Variants in CD5 observed in about 807,000 individuals in gnomAD.
CD5 encodes T-cell surface glycoprotein CD5.
Under a neutral mutation model 60.3 loss-of-function variants are expected in CD5, and 36 were observed. The observed-to-expected ratio is 0.60, with a 90% CI of 0.46 to 0.79. The LOEUF is 0.79. Among genes scored for constraint, CD5 ranks in the 30% least tolerant of loss-of-function variants. The probability of loss-of-function intolerance (pLI) is 0.00; values close to 1 mark genes in which losing one functional copy is unlikely to be tolerated. For missense variants in CD5, 540 were observed against 630.6 expected (o/e 0.86, Z 1.54); for synonymous variants, 230 against 257.6 (o/e 0.89, Z 1.03).
chr11:61,124,235 C>A (rs1464413230), intron 8 of CD5, among the ~76,000 whole-genome samples: 2 of 152,190 alleles, frequency 1.3e-5, no homozygotes, highest in Non-Finnish European at 2.9e-5. Context: ...GCAGCCCTCA[C>A]CTCCTCCAGC....
chr11:61,122,851 CCA>C (rs1408166922), intron 6 of CD5, 54 bp from the exon 7 acceptor site: 16 of 1,534,562 alleles, frequency 1.0e-5, no homozygotes, highest in East Asian at 6.9e-5. Context: ...AGCTTCCCTC[CCA>C]CAGTTTTTCT....
the CD5 span, among the ~76,000 whole-genome samples, chr11:61,094,167 G>A: frequency 1.4e-4 from 21 of 151,858 alleles, no homozygotes; most frequent in Non-Finnish European, 2.2e-4. Flanking sequence ...CAGCTTGAGC[G>A]ACACGGATCC....
chr11:61,126,677 A>T lies in CD5; in HGVS notation c.*392A>T, dbSNP rs1314866751. 1 of 152,254 alleles carries T rather than the reference A, an allele frequency of 6.6e-6. No homozygotes were observed. Among genetic ancestry groups the T allele is most frequent in the Non-Finnish European group, 1.5e-5 (1 of 68,110 alleles). The allele number at this position is 152,254 out of a possible 1,614,324, so 9.4% of individuals were successfully genotyped here. On this transcript the variant is annotated 3_prime_UTR_variant, in exon 11 of 11. Transcript: ENST00000347785. ...CTCACAGCTGGGCGAGTGCATTTTG[A>T]ATAGTTTTTTGTAAGTAGTGCTTTT...
Position 61,125,105 on chromosome 11 carries a change from C to T in CD5, c.1353C>T (p.Asn451=), listed in dbSNP as rs1861127452. 3.7e-6 allele frequency: 6 copies of T among 1,613,980 alleles called. No individual in the cohort carries two copies. Among genetic ancestry groups the T allele is most frequent in the East Asian group, 2.2e-5 (1 of 44,876 alleles). ...ACCCCACAGCCTCCCACGTGGATAA[C>T]GAATACAGCCAACCTCCCAGGAACT... ...AENPTASHVD[N]EYSQPPRNSH... The change falls in exon 9 of 11, where the codon AAC becomes AAT. Residue 451 remains asparagine, a synonymous_variant. Coordinates refer to ENST00000347785, the MANE Select transcript of CD5 (RefSeq NM_014207.4).
rs1861152242 is a variant in CD5 at position 61,126,661 on chromosome 11, G to A, written c.*376G>A. 6.6e-6 allele frequency: 1 copy of A among 152,274 alleles called. No homozygotes were observed. The highest frequency in any genetic ancestry group is 1.5e-5 in the Non-Finnish European group (1 of 68,082). The allele number at this position is 152,274 out of a possible 1,614,324, so 9.4% of individuals were successfully genotyped here. A position where few individuals can be genotyped will look rare whatever the true frequency, so the allele number is the denominator to read the frequency against. On this transcript the variant is annotated 3_prime_UTR_variant, in exon 11 of 11. Transcript: ENST00000347785. Reference sequence around the variant, plus strand: ...AGGAGTGACAAGGAAGCTCACAGCTGGGCGAGTGCATTTTGAATAGTTTTT... The same window carrying A: ...AGGAGTGACAAGGAAGCTCACAGCTAGGCGAGTGCATTTTGAATAGTTTTT...
rs1479328806 is a variant in CD5 at position 61,126,922 on chromosome 11, CTCTG to C, written c.*641_*644del. 6.7e-6 allele frequency: 1 copy of C among 150,082 alleles called. No homozygotes were observed. The highest frequency in any genetic ancestry group is 1.5e-5 in the Non-Finnish European group (1 of 68,026). The allele number at this position is 150,082 out of a possible 1,614,324, so 9.3% of individuals were successfully genotyped here. A position where few individuals can be genotyped will look rare whatever the true frequency, so the allele number is the denominator to read the frequency against. On this transcript the variant is annotated 3_prime_UTR_variant, in exon 11 of 11. Transcript: ENST00000347785. ...CTGACCCACAGCGTCACCCCACTCC[CTCTG>C]TCTTATGACTCCCCTCCCCAACCCC...
At chr11:61,107,389 C>T (rs1224366484) in intron 1 of CD5, among the ~76,000 whole-genome samples, 8 of 152,150 alleles carry the variant, frequency 5.3e-5, no homozygotes, top group Non-Finnish European at 7.4e-5. Context: ...GCATAACTCT[C>T]ACCTCTCCAG....
chr11:61,098,993 A>G (rs536221378), upstream of CD5, among the ~76,000 whole-genome samples: 2 of 152,274 alleles, frequency 1.3e-5, no homozygotes, highest in African/African-American at 4.8e-5. Context: ...AGGAAGCCCA[A>G]GGAGCCAGGA....
intron 1 of CD5, among the ~76,000 whole-genome samples, chr11:61,113,935 G>A (rs977458569): frequency 2.6e-5 from 4 of 152,192 alleles, no homozygotes; most frequent in Admixed American, 2.0e-4. Context: ...CTCCCAAAGT[G>A]CTTGGATTAT....
upstream of CD5, among the ~76,000 whole-genome samples, chr11:61,100,700 CAA>C (rs1300502250): frequency 1.4e-5 from 2 of 141,876 alleles, no homozygotes; most frequent in Non-Finnish European, 3.1e-5. Flanking sequence ...ATGGAGATCA[CAA>C]ACACACATCA....
At chr11:61,104,104 ACTGTGTGGGGGGAATGTGTGAGT>A (rs1186195026) in intron 1 of CD5, among the ~76,000 whole-genome samples, 84 of 120,336 alleles carry the variant, frequency 7.0e-4, no homozygotes, top group African/African-American at 2.6e-3. Context: ...GTGTGTGAGT[ACTGTGTGGGGGGAATGTGTGAGT>A]CTGTGTGTGA....
chr11:61,101,331 G>A (rs1860680536), upstream of CD5, among the ~76,000 whole-genome samples: 1 of 65,238 alleles, frequency 1.5e-5, no homozygotes, highest in African/African-American at 5.3e-5. Context: ...ACATCAACAT[G>A]GAGATCACAT....
chr11:61,119,619 T>C, intron 5 of CD5, 44 bp downstream of exon 5: 1 of 1,420,850 alleles, frequency 7.0e-7, no homozygotes. Context: ...TCTGCTGCCC[T>C]AGGTGGGGTC....
rs1861090765 is a variant in CD5 at position 61,122,988 on chromosome 11, T to TGG, written c.1182_1183dup (p.Val395GlyfsTer12). 1 of 1,613,964 alleles carries TGG rather than the reference T, an allele frequency of 6.2e-7. No individual in the cohort carries two copies. The highest frequency in any genetic ancestry group is 8.5e-7 in the Non-Finnish European group (1 of 1,179,966). On this transcript the variant is annotated frameshift_variant, in exon 7 of 11. Transcript: ENST00000347785. LOFTEE classifies it high-confidence loss of function. The stretch of plus-strand genomic sequence containing the variant: ...GCCCTGGTGCTCCTGGTGGTGCTGC[T>TGG]GGTCGTGTGCGGCCCCCTTGCCTAC...
At chr11:61,100,613 A>T (rs971174426), upstream of CD5, among the ~76,000 whole-genome samples, 95 of 50,798 alleles carry the variant, frequency 1.9e-3, no homozygotes, top group Admixed American at 3.8e-3. Context: ...CACACACACA[A>T]CATGGAGATC....
At position 61,119,349 on chromosome 11, in the gene CD5, C is replaced by T. The variant is rs376679823; in HGVS notation, c.579C>T (p.Thr193=). The stretch of plus-strand genomic sequence containing the variant: ...TCAGCTATGAGGCCCAGGACAAGAC[C>T]CAGGACCTGGAGAACTTCCTCTGCA... ...GTISYEAQDK[T]QDLENFLCNN... is the part of the protein sequence containing the mutation. Residue 193 remains threonine, a synonymous_variant, in exon 5 of 11, where the codon ACC becomes ACT. Transcript: ENST00000347785. 1.1e-5 allele frequency: 17 copies of T among 1,614,096 alleles called. No individual in the cohort carries two copies. The highest frequency in any genetic ancestry group is 1.4e-5 in the Non-Finnish European group (16 of 1,180,020).
Position 61,121,881 on chromosome 11 carries a change from A to G in CD5, c.1076A>G (p.Tyr359Cys), listed in dbSNP as rs1352409104. The change falls in exon 6 of 11, where the codon TAC becomes TGC. Residue 359 changes from tyrosine (Y) to cysteine (C), a missense_variant. Transcript: ENST00000347785. ...QCHELWERNS[Y>C]CKKVFVTCQD... ...CACGAACTTTGGGAGAGAAATTCCTACTGCAAGAAGGTGTTTGTCACATGT... is the reference window on the plus strand; with the variant it reads ...CACGAACTTTGGGAGAGAAATTCCTGCTGCAAGAAGGTGTTTGTCACATGT... The G allele has an allele frequency of 6.4e-7, 1 of 1,554,212 alleles. No homozygotes were observed.
At chr11:61,101,045 T>A, upstream of CD5, among the ~76,000 whole-genome samples, 1 of 80,802 alleles carries the variant, frequency 1.2e-5, no homozygotes, top group African/African-American at 4.6e-5. Context: ...AACATGGAGA[T>A]TACACACACA....
chr11:61,125,781 T>A lies in CD5; in HGVS notation c.1430T>A (p.Met477Lys), dbSNP rs754167862. Residue 477 changes from methionine to lysine, a missense_variant, in exon 10 of 11, where the codon ATG becomes AAG. Coordinates refer to ENST00000347785, the MANE Select transcript of CD5 (RefSeq NM_014207.4). ...ALEGALHRSSMQPDNSSDSDY... is the reference protein window; with the variant it reads ...ALEGALHRSSKQPDNSSDSDY... ...GAAGGGGCTCTGCATCGCTCCTCCATGCAGCCTGACAACTCCTCCGACAGT... is the reference window on the plus strand; with the variant it reads ...GAAGGGGCTCTGCATCGCTCCTCCAAGCAGCCTGACAACTCCTCCGACAGT... 3 of 1,612,622 alleles carry A rather than the reference T, an allele frequency of 1.9e-6. No homozygotes were observed. The highest frequency in any genetic ancestry group is 1.7e-6 in the Non-Finnish European group (2 of 1,179,120).
Sources: allele counts gnomAD v4.1 joint callset (sites outside exome capture counted in the v4.1 genomes callset), GRCh38; gene constraint gnomAD v4.1.1; transcripts MANE v1.5; gene names NCBI Gene and HGNC (gene_info 2026-07-23, HGNC 2026-07-21).